TNRC6A: variants seen among roughly 807,000 people sequenced by gnomAD.
TNRC6A encodes the protein trinucleotide repeat-containing gene 6A protein.
Under a neutral mutation model 221.2 loss-of-function variants are expected in TNRC6A, and 44 were observed. The observed-to-expected ratio is 0.20, with a 90% confidence interval of 0.16 to 0.26. The LOEUF is 0.26. TNRC6A is among the 10% of genes least tolerant of loss of function. TNRC6A has a pLI of 1.00. For synonymous variants in TNRC6A, 847 were observed against 838.5 expected, an observed-to-expected ratio of 1.01 and a Z score of -0.18; for missense variants, 2,199 against 2,404.4, an observed-to-expected ratio of 0.91 and a Z score of 1.79.
In TNRC6A at chr16:24,804,286, G is replaced by A. The variant is rs1422057636; in HGVS notation, c.3804G>A (p.Glu1268=). 6.2e-7 allele frequency: 1 copy of A among 1,613,314 alleles called. No individual in the cohort carries two copies. Among genetic ancestry groups the A allele is most frequent in the Non-Finnish European group, 8.5e-7 (1 of 1,179,844 alleles). ...GTTCTCGGCCTCAGATTTCCAAAGA[G>A]TCTTCCATGGAGCGCAATCCTTATT... The part of the protein sequence containing the change: ...GPGSRPQISK[E]SSMERNPYFD... Residue 1268 remains glutamate, a synonymous_variant, in exon 12 of 25, where the codon GAG becomes GAA. Transcript: ENST00000395799.
At chr16:24,707,721 C>A (rs898756445) in intron 2 of TNRC6A, among the ~76,000 whole-genome samples, 18 of 152,238 alleles carry the variant, frequency 1.2e-4, no homozygotes, top group Admixed American at 3.3e-4. Flanking sequence ...TGACTAAAGA[C>A]ATACAAATTA....
intron 16 of TNRC6A, 86 bp from the exon 17 acceptor site, chr16:24,806,488 T>G: frequency 6.5e-7 from 1 of 1,530,148 alleles, no homozygotes; most frequent in Non-Finnish European, 9.0e-7. Context: ...GAGACGAAAG[T>G]GAATTCAAAA....
At chr16:24,775,782 TTGAA>T (rs1194682842) in intron 4 of TNRC6A, among the ~76,000 whole-genome samples, 3 of 152,204 alleles carry the variant, frequency 2.0e-5, no homozygotes, top group African/African-American at 7.2e-5. Context: ...CTCTTAACCC[TTGAA>T]TGGAGATTTT....
At chr16:24,670,469 T>C (rs943061211) in intron 2 of TNRC6A, among the ~76,000 whole-genome samples, 2 of 152,112 alleles carry the variant, frequency 1.3e-5, no homozygotes, top group African/African-American at 4.8e-5. Context: ...GGGGCTGCTG[T>C]TTCAGCAATT....
chr16:24,624,029 C>T (rs1596548727), intron 1 of TNRC6A, among the ~76,000 whole-genome samples: 1 of 152,086 alleles, frequency 6.6e-6, no homozygotes, highest in Non-Finnish European at 1.5e-5. Context: ...AGTGATGAAG[C>T]CAGCACTGGC....
At chr16:24,804,133 T>G (rs762647326) in intron 11 of TNRC6A, 44 bp from the exon 12 acceptor site, 2 of 1,544,210 alleles carry the variant, frequency 1.3e-6, no homozygotes, top group Non-Finnish European at 1.7e-6. Flanking sequence ...CTGAAACCAA[T>G]TGGGTTGTCT....
chr16:24,710,726 CT>C (rs924997875), intron 2 of TNRC6A, among the ~76,000 whole-genome samples: 191 of 145,220 alleles, frequency 1.3e-3, no homozygotes, highest in Middle Eastern at 7.3e-3. Flanking sequence ...TCTCATCAAA[CT>C]TTTTTTTTTT....
intron 2 of TNRC6A, among the ~76,000 whole-genome samples, chr16:24,745,653 TC>T: frequency 6.6e-6 from 1 of 152,194 alleles, no homozygotes; most frequent in South Asian, 2.1e-4. Flanking sequence ...TAACCCCTTG[TC>T]CCATTATTGT....
At chr16:24,733,655 G>C (rs2056695799) in intron 2 of TNRC6A, among the ~76,000 whole-genome samples, 1 of 152,202 alleles carries the variant, frequency 6.6e-6, no homozygotes, top group South Asian at 2.1e-4. Flanking sequence ...GGTTATATAA[G>C]GTATTTGTAG....
chr16:24,628,678 A>G (rs896996710), intron 1 of TNRC6A, among the ~76,000 whole-genome samples: 4 of 152,190 alleles, frequency 2.6e-5, no homozygotes, highest in Non-Finnish European at 4.4e-5. Flanking sequence ...AATACATATA[A>G]TATACAAAAT....
intron 4 of TNRC6A, chr16:24,776,553 G>C (rs1331694141): frequency 1.0e-6 from 1 of 985,440 alleles, no homozygotes; most frequent in East Asian, 1.1e-4. Flanking sequence ...AGGAATAGAG[G>C]ATTCCCTTAG....
chr16:24,700,646 G>A (rs571263416), intron 2 of TNRC6A, among the ~76,000 whole-genome samples: 2 of 152,190 alleles, frequency 1.3e-5, no homozygotes, highest in South Asian at 4.2e-4. Context: ...GATCTTCGTG[G>A]TAGAGGTGCC....
intron 1 of TNRC6A, among the ~76,000 whole-genome samples, chr16:24,634,445 T>C (rs564010348): frequency 6.7e-4 from 102 of 152,122 alleles, no homozygotes; most frequent in Non-Finnish European, 1.1e-3. Context: ...AATAAATAAA[T>C]AAATGCACAT....
chr16:24,711,167 T>C (rs7203925), intron 2 of TNRC6A, among the ~76,000 whole-genome samples: 38,904 of 151,520 alleles, frequency 0.26, 8,276 homozygotes, highest in East Asian at 0.72. Flanking sequence ...GCATTGCACC[T>C]GGCCAAATTT....
intron 3 of TNRC6A, among the ~76,000 whole-genome samples, chr16:24,754,438 C>A (rs550845388): frequency 6.6e-6 from 1 of 151,974 alleles, no homozygotes; most frequent in Non-Finnish European, 1.5e-5. Context: ...TTTTGAAAAG[C>A]CTTTTCATCA....
intron 5 of TNRC6A, among the ~76,000 whole-genome samples, chr16:24,780,738 A>G (rs920791654): frequency 6.8e-6 from 1 of 146,546 alleles, no homozygotes. Flanking sequence ...TTATGGCCTT[A>G]TCTATTATGT....
In TNRC6A at chr16:24,790,611, A is replaced by C. The variant is rs1188898881; in HGVS notation, c.1969A>C (p.Asn657His). The stretch of plus-strand genomic sequence containing the variant: ...TCAGGGTTCTGCCACATCTCAGACA[A>C]ATGAGCAAAGCAGTGTGTGGGCCAA... ...EDQGSATSQT[N>H]EQSSVWAKTG... is the part of the protein sequence containing the mutation. The change falls in exon 6 of 25, where the codon AAT becomes CAT. Residue 657 changes from asparagine (N) to histidine (H), a missense_variant. Coordinates refer to ENST00000395799, the MANE Select transcript of TNRC6A (RefSeq NM_014494.4). 1.9e-6 allele frequency: 3 copies of C among 1,614,250 alleles called. No homozygotes were observed. The highest frequency in any genetic ancestry group is 2.5e-6 in the Non-Finnish European group (3 of 1,180,052).
At chr16:24,674,244 T>C (rs2055362689) in intron 2 of TNRC6A, among the ~76,000 whole-genome samples, 1 of 151,904 alleles carries the variant, frequency 6.6e-6, no homozygotes, top group Non-Finnish European at 1.5e-5. Flanking sequence ...ATTTTTTTAT[T>C]TTTAGTAGCA....
intron 2 of TNRC6A, among the ~76,000 whole-genome samples, chr16:24,709,895 G>A (rs1007383810): frequency 6.6e-6 from 1 of 151,360 alleles, no homozygotes; most frequent in Non-Finnish European, 1.5e-5. Context: ...TCTGTCACAG[G>A]TGTCTTAAAT....
Sources: gnomAD v4.1 joint callset for allele counts (sites outside exome capture counted in the v4.1 genomes callset) on GRCh38, gnomAD v4.1.1 for gene constraint, MANE v1.5 for transcripts, NCBI Gene and HGNC (gene_info 2026-07-23, HGNC 2026-07-21) for gene names.